The following DYNC1I1 variants were observed in gnomAD, a reference collection of about 807,000 sequenced individuals.
DYNC1I1 encodes the protein dynein cytoplasmic 1 intermediate chain 1.
DYNC1I1 carries 43 observed loss-of-function variants against 86.6 expected under a neutral mutation model. That is an observed-to-expected ratio of 0.50 (90% confidence interval 0.39 to 0.64). DYNC1I1 has a LOEUF of 0.64. Ranked by LOEUF, DYNC1I1 falls within the 30% of genes least tolerant of loss-of-function variation. DYNC1I1 has a pLI of 0.00. For missense variants in DYNC1I1, 604 were observed against 788.8 expected, an observed-to-expected ratio of 0.77 and a Z score of 2.81; for synonymous variants, 262 against 283.7, an observed-to-expected ratio of 0.92 and a Z score of 0.77.
chr7:95,996,961 A>G (rs1793882491), intron 10 of DYNC1I1, among the ~76,000 whole-genome samples: 1 of 152,164 alleles, frequency 6.6e-6, no homozygotes, highest in Non-Finnish European at 1.5e-5. Context: ...GCTTAGTGCC[A>G]TTTTCTATCT....
At chr7:95,908,234 C>T (rs1490499488) in intron 6 of DYNC1I1, among the ~76,000 whole-genome samples, 1 of 152,074 alleles carries the variant, frequency 6.6e-6, no homozygotes, top group Admixed American at 6.6e-5. Flanking sequence ...GTTTCTAAAA[C>T]AATAAAATAT....
chr7:95,818,205 CT>C (rs35895039), intron 4 of DYNC1I1, among the ~76,000 whole-genome samples: 11,176 of 143,204 alleles, frequency 0.078, 487 homozygotes, highest in Non-Finnish European at 0.1. Context: ...TAATTTTTGT[CT>C]TTTTTTTTTT....
At chr7:95,909,768 C>T (rs1350629324) in intron 6 of DYNC1I1, among the ~76,000 whole-genome samples, 1 of 152,114 alleles carries the variant, frequency 6.6e-6, no homozygotes, top group Non-Finnish European at 1.5e-5. Context: ...AGTTCTTTAA[C>T]CTTTGCCTCT....
At chr7:95,843,210 G>A (rs546826861) in intron 5 of DYNC1I1, among the ~76,000 whole-genome samples, 1 of 152,154 alleles carries the variant, frequency 6.6e-6, no homozygotes, top group Admixed American at 6.5e-5. Flanking sequence ...CTTGGCCTCA[G>A]GTAGTTTCTT....
chr7:95,936,956 T>TCTCTCTCACACACA (rs750834189), intron 6 of DYNC1I1, among the ~76,000 whole-genome samples: 6 of 134,190 alleles, frequency 4.5e-5, no homozygotes, highest in African/African-American at 1.7e-4. Flanking sequence ...AGAATATGTC[T>TCTCTCTCACACACA]CACACACACA....
At chr7:95,774,116 C>G (rs1013712018) in intron 1 of DYNC1I1, among the ~76,000 whole-genome samples, 7 of 152,158 alleles carry the variant, frequency 4.6e-5, no homozygotes, top group Non-Finnish European at 1.0e-4. Flanking sequence ...AACTAACTCT[C>G]GAATATTTGT....
rs1791064470 is a variant in DYNC1I1, at chr7:96,097,882, T to C, written c.*289T>C. On this transcript the variant is annotated 3_prime_UTR_variant, in exon 17 of 17. Transcript: ENST00000447467. ...TTAACTACTTTGTAGCTGTATTTAA[T>C]AGCTGGAAACCTCTGGTTAAATTTG... is the stretch of plus-strand genomic sequence containing the variant. The C allele has an allele frequency of 9.0e-7, 1 of 1,108,324 alleles. No individual in the cohort carries two copies. Among genetic ancestry groups the C allele is most frequent in the African/African-American group, 1.6e-5 (1 of 62,182 alleles). The allele number at this position is 1,108,324 out of a possible 1,614,324, so 68.7% of individuals were successfully genotyped here.
chr7:95,775,864 T>A (rs1386650047), intron 1 of DYNC1I1, among the ~76,000 whole-genome samples: 1 of 152,220 alleles, frequency 6.6e-6, no homozygotes, highest in African/African-American at 2.4e-5. Flanking sequence ...TAGAGTTGAC[T>A]TTTTTGTTTT....
rs574639185 is a variant in DYNC1I1, at chr7:95,907,500, A to G, written c.490+37502A>G. 7.2e-5 allele frequency among the ~76,000 whole-genome samples: 11 copies of G among 152,116 alleles called. No individual in the cohort carries two copies. In the South Asian group the frequency reaches 2.1e-3, roughly 29 times the overall value. On this transcript the variant is annotated intron_variant, in intron 6 of 16. Coordinates refer to ENST00000447467, the MANE Select transcript of DYNC1I1 (RefSeq NM_001135556.2). ...CCCGTTGGTCTCTTCACTCTTCACT[A>G]TGGTCAAATCACATTCCTGTCCCTG...
chr7:95,789,959 A>G (rs1235440577), intron 1 of DYNC1I1, among the ~76,000 whole-genome samples: 1 of 152,252 alleles, frequency 6.6e-6, no homozygotes, highest in Non-Finnish European at 1.5e-5. Context: ...GTTACATCAC[A>G]GAAATGGCTG....
intron 6 of DYNC1I1, among the ~76,000 whole-genome samples, chr7:95,973,262 C>T (rs930079889): frequency 2.0e-5 from 3 of 152,200 alleles, no homozygotes; most frequent in Non-Finnish European, 2.9e-5. Flanking sequence ...AATATACTCT[C>T]TTTGCTGAGC....
At chr7:95,980,536 CTTTTTTTTTTTTTTTTT>C (rs56835338) in intron 7 of DYNC1I1, among the ~76,000 whole-genome samples, 1 of 54,428 alleles carries the variant, frequency 1.8e-5, no homozygotes, top group Non-Finnish European at 3.4e-5. Context: ...AGAAATCTGG[CTTTTTTTTTTTTTTTTT>C]TTTTTTTTTG....
rs544977952 is a variant in DYNC1I1 at position 96,013,615 on chromosome 7, C to T, written c.970-14560C>T. ...CTGGGACTACAGGCATGTACCACCA[C>T]GCCTGGCTAATTTTTGTATTTTTTG... On this transcript the variant is annotated intron_variant, in intron 10 of 16. Transcript: ENST00000447467. 8.1e-4 allele frequency among the ~76,000 whole-genome samples: 123 copies of T among 152,172 alleles called. 1 individual carries two copies. Among genetic ancestry groups the T allele is most frequent in the South Asian group, 1.5e-3 (7 of 4,802 alleles).
chr7:95,860,732 G>T (rs75352818), intron 5 of DYNC1I1, among the ~76,000 whole-genome samples: 1 of 152,012 alleles, frequency 6.6e-6, no homozygotes, highest in Non-Finnish European at 1.5e-5. Flanking sequence ...CTGGCATTTG[G>T]TGTCTTGTGA....
At chr7:95,823,291 C>T (rs1562907904) in intron 4 of DYNC1I1, among the ~76,000 whole-genome samples, 3 of 152,110 alleles carry the variant, frequency 2.0e-5, no homozygotes, top group Admixed American at 1.3e-4. Flanking sequence ...ATTGTGTCTC[C>T]CTGCTGTGAC....
At position 95,879,334 on chromosome 7, in the gene DYNC1I1, A is replaced by C. The variant is rs1319849624; in HGVS notation, c.490+9336A>C. 2.0e-5 allele frequency among the ~76,000 whole-genome samples: 3 copies of C among 152,182 alleles called. No homozygotes were observed. The East Asian group carries it at 5.8e-4, about 29-fold the overall frequency. ...ATATTTTCTAATAACAGGACAAAGA[A>C]GGTGAGTGGCAGCACTTTGTTATTT... On this transcript the variant is annotated intron_variant, in intron 6 of 16. Transcript: ENST00000447467.
intron 10 of DYNC1I1, among the ~76,000 whole-genome samples, chr7:96,001,837 A>C (rs1408141937): frequency 6.6e-6 from 1 of 152,164 alleles, no homozygotes; most frequent in East Asian, 1.9e-4. Context: ...TGGGGGCTTC[A>C]ACATATGAAT....
At chr7:95,827,348 G>A (rs953878446) in intron 4 of DYNC1I1, among the ~76,000 whole-genome samples, 12 of 152,180 alleles carry the variant, frequency 7.9e-5, no homozygotes, top group Non-Finnish European at 1.5e-4. Flanking sequence ...TTATAGAAGA[G>A]CCATTTATCC....
chr7:95,827,667 C>T (rs1795230307), intron 4 of DYNC1I1, among the ~76,000 whole-genome samples: 1 of 152,150 alleles, frequency 6.6e-6, no homozygotes, highest in Non-Finnish European at 1.5e-5. Flanking sequence ...GTTCTTTTCA[C>T]CACATAGAAG....
Sources: gnomAD v4.1 joint callset for allele counts (sites outside exome capture counted in the v4.1 genomes callset) on GRCh38, gnomAD v4.1.1 for gene constraint, MANE v1.5 for transcripts, NCBI Gene and HGNC (gene_info 2026-07-23, HGNC 2026-07-21) for gene names.